The following PTPRT variants were observed in gnomAD, a reference collection of about 807,000 sequenced individuals.
PTPRT encodes the protein protein tyrosine phosphatase receptor type T.
PTPRT carries 56 observed loss-of-function variants against 176.8 expected under a neutral mutation model. The ratio of observed to expected loss-of-function variants is 0.32; its 90% CI spans 0.26 to 0.40. The LOEUF is 0.40. Ranked by LOEUF, PTPRT falls within the 10% of genes least tolerant of loss-of-function variation. The probability of loss-of-function intolerance (pLI) is 1.00; values close to 1 mark genes in which losing one functional copy is unlikely to be tolerated. For missense variants in PTPRT, 1,540 were observed against 1,908.2 expected (o/e 0.81, Z 3.60); for synonymous variants, 783 against 739.0 (o/e 1.06, Z -0.96).
In PTPRT at chr20:42,885,947, G is replaced by T; in HGVS notation, c.89-15C>A. ...GGAACAGCCACCTGTAGACAAAAGAGATATGGGTAAATACATTCCCGTGTC... is the reference window on the plus strand; with the variant it reads ...GGAACAGCCACCTGTAGACAAAAGATATATGGGTAAATACATTCCCGTGTC... On this transcript the variant is annotated splice_polypyrimidine_tract_variant and intron_variant, in intron 1 of 30. Transcript: ENST00000373187. 6.3e-7 allele frequency: 1 copy of T among 1,595,666 alleles called. No homozygotes were observed. The highest frequency in any genetic ancestry group is 8.6e-7 in the Non-Finnish European group (1 of 1,168,320).
intron 2 of PTPRT, among the ~76,000 whole-genome samples, chr20:42,819,512 A>C (rs1600786861): frequency 6.6e-6 from 1 of 152,236 alleles, no homozygotes; most frequent in Admixed American, 6.5e-5. Flanking sequence ...AAAATAACCA[A>C]ATAGCATCAT....
rs73095855 is a variant in PTPRT, at chr20:42,700,964, G to A, written c.860-22805C>T. ...ATAGCCAGGCAGAGCCAGTGGGGGC[G>A]GTCCACACTGATTAATGGATTTATT... On this transcript the variant is annotated intron_variant, in intron 6 of 30. Coordinates refer to ENST00000373187, the MANE Select transcript of PTPRT (RefSeq NM_007050.6). Among the ~76,000 whole-genome samples the A allele has an allele frequency of 6.7e-3, 1,014 of 152,252 alleles. 3 individuals are homozygous for A. Among genetic ancestry groups the A allele is most frequent in the Non-Finnish European group, 0.012 (785 of 68,020 alleles).
chr20:42,718,380 A>G (rs973369198), intron 6 of PTPRT, among the ~76,000 whole-genome samples: 1 of 152,104 alleles, frequency 6.6e-6, no homozygotes, highest in Non-Finnish European at 1.5e-5. Context: ...CACTAAAAAT[A>G]CAAAAAATCA....
At chr20:42,817,156 A>G (rs961406161) in intron 2 of PTPRT, among the ~76,000 whole-genome samples, 16 of 152,244 alleles carry the variant, frequency 1.1e-4, no homozygotes, top group Non-Finnish European at 2.9e-5. Flanking sequence ...TTCTTAGCAG[A>G]AAGCCAGTAG....
At chr20:43,083,391 C>T (rs1264985601) in intron 1 of PTPRT, among the ~76,000 whole-genome samples, 3 of 105,750 alleles carry the variant, frequency 2.8e-5, no homozygotes, top group Middle Eastern at 5.2e-3. Context: ...GACAGAGTCT[C>T]GCTCTGTGGC....
rs1308152557 is a variant in PTPRT at position 43,094,115 on chromosome 20, G to A, written c.88+95531C>T. On this transcript the variant is annotated intron_variant, in intron 1 of 30. Transcript: ENST00000373187. ...TCTTTTTTTTTTTTTTTTTGACGGA[G>A]TCTTGCCCTGTCGCTAAGCAGGAGT... 8.7e-5 allele frequency among the ~76,000 whole-genome samples: 12 copies of A among 137,590 alleles called. 1 individual carries two copies. In the South Asian group the frequency reaches 2.5e-3, roughly 28 times the overall value. 90.3% of individuals were successfully genotyped at this position (137,590 alleles called of 152,430 possible). A position where few individuals can be genotyped will look rare whatever the true frequency, so the allele number is the denominator to read the frequency against.
intron 2 of PTPRT, among the ~76,000 whole-genome samples, chr20:42,879,533 T>C (rs2078982828): frequency 6.6e-6 from 1 of 152,174 alleles, no homozygotes; most frequent in South Asian, 2.1e-4. Context: ...AGTGTGACAT[T>C]TACAGATATC....
chr20:42,152,433 G>C (rs1989176993), intron 17 of PTPRT, among the ~76,000 whole-genome samples: 1 of 152,218 alleles, frequency 6.6e-6, no homozygotes, highest in Admixed American at 6.5e-5. Context: ...TAGAAAATCA[G>C]ATTGCAGCAA....
At chr20:42,067,289 G>A in the PTPRT span, among the ~76,000 whole-genome samples, 1,175 of 152,298 alleles carry the variant, frequency 7.7e-3, 21 homozygotes, top group African/African-American at 0.027. Flanking sequence ...AACCCTGGGA[G>A]AGGTTTGTAT....
intron 7 of PTPRT, among the ~76,000 whole-genome samples, chr20:42,478,451 T>G (rs1236297135): frequency 1.3e-5 from 2 of 152,118 alleles, no homozygotes; most frequent in Middle Eastern, 6.3e-3. Context: ...GAAGTACCAT[T>G]TTCATCCTAA....
rs1481694626 is a variant in PTPRT at position 42,321,299 on chromosome 20, C to T, written c.1866-5303G>A. ...CAGAGGGCTTTCAGAATGCTTATTC[C>T]TTGGCTCTACTACAGATCAGCTGAA... On this transcript the variant is annotated intron_variant, in intron 11 of 30. Transcript: ENST00000373187. Among the ~76,000 whole-genome samples, 5 of 152,258 alleles carry T rather than the reference C, an allele frequency of 3.3e-5. No individual in the cohort carries two copies. In the East Asian group the frequency reaches 9.7e-4, roughly 29 times the overall value.
intron 13 of PTPRT, among the ~76,000 whole-genome samples, chr20:42,268,095 C>T (rs1369022459): frequency 6.6e-6 from 1 of 152,094 alleles, no homozygotes; most frequent in Non-Finnish European, 1.5e-5. Flanking sequence ...AAAGAGGCTC[C>T]TGTGCTTAAA....
rs117532474 is a variant in PTPRT at position 42,556,256 on chromosome 20, C to T, written c.1154-83694G>A. Among the ~76,000 whole-genome samples, 323 of 152,300 alleles carry T rather than the reference C, an allele frequency of 2.1e-3. 2 individuals are homozygous for T. The Middle Eastern group carries it at 0.037, about 18-fold the overall frequency. ...GTTACTTGAGGCACATGGCCCTCTC[C>T]TGCAACTGAAGAGAAGTGTGACTGA... is the stretch of plus-strand genomic sequence containing the variant. On this transcript the variant is annotated intron_variant, in intron 7 of 30. Coordinates refer to ENST00000373187, the MANE Select transcript of PTPRT (RefSeq NM_007050.6).
At chr20:42,747,438 C>T (rs2076707008) in intron 6 of PTPRT, among the ~76,000 whole-genome samples, 1 of 151,870 alleles carries the variant, frequency 6.6e-6, no homozygotes, top group Non-Finnish European at 1.5e-5. Context: ...GGGTAATCCA[C>T]AAATAGATGT....
rs569332131 is a variant in PTPRT, at chr20:42,573,714, G to A, written c.1154-101152C>T. Among the ~76,000 whole-genome samples, 5 of 149,038 alleles carry A rather than the reference G, an allele frequency of 3.4e-5. No individual in the cohort carries two copies. In the East Asian group the frequency reaches 9.9e-4, roughly 30 times the overall value. On this transcript the variant is annotated intron_variant, in intron 7 of 30. Transcript: ENST00000373187. ...ATACAACCCCGTTATCAGCACAGTG[G>A]TCTCAAAATGGCAAGACGGACCCTT... is the stretch of plus-strand genomic sequence containing the variant.
intron 21 of PTPRT, 144 bp from the exon 22 acceptor site, chr20:42,115,459 G>T (rs1369908561): frequency 3.1e-6 from 2 of 652,492 alleles, no homozygotes; most frequent in East Asian, 5.5e-5. Context: ...AGTCCACAGG[G>T]TTCACAGCTG....
chr20:42,092,759 G>A (rs1984760923), intron 27 of PTPRT, among the ~76,000 whole-genome samples: 2 of 152,198 alleles, frequency 1.3e-5, no homozygotes, highest in South Asian at 4.1e-4. Context: ...AGGCACAATG[G>A]CAGCAAGAGA....
intron 1 of PTPRT, among the ~76,000 whole-genome samples, chr20:43,188,757 G>T (rs1022535804): frequency 2.0e-5 from 3 of 150,060 alleles, no homozygotes; most frequent in Non-Finnish European, 4.5e-5. Flanking sequence ...CTTGGGGGGG[G>T]GGGGGCTCGG....
At chr20:43,113,846 A>G (rs1028906291) in intron 1 of PTPRT, among the ~76,000 whole-genome samples, 2 of 152,258 alleles carry the variant, frequency 1.3e-5, no homozygotes, top group African/African-American at 2.4e-5. Flanking sequence ...TGTTTAAGAA[A>G]CAACAGGCAG....
Sources: allele counts gnomAD v4.1 joint callset (sites outside exome capture counted in the v4.1 genomes callset), GRCh38; gene constraint gnomAD v4.1.1; transcripts MANE v1.5; gene names NCBI Gene and HGNC (gene_info 2026-07-23, HGNC 2026-07-21).